The following DAG1 variants were observed in gnomAD, a reference collection of about 807,000 sequenced individuals.
The protein encoded by DAG1 is dystroglycan 1.
A neutral mutation model predicts 46.1 loss-of-function variants in DAG1; 8 were observed. The ratio of observed to expected loss-of-function variants is 0.17; its 90% CI spans 0.10 to 0.31. DAG1 has a LOEUF of 0.31. Among genes scored for constraint, DAG1 ranks in the 10% least tolerant of loss-of-function variants. The pLI, the probability that DAG1 is intolerant of heterozygous loss-of-function variation, is 1.00. For synonymous variants in DAG1, 495 were observed against 481.8 expected, an observed-to-expected ratio of 1.03 and a Z score of -0.36; for missense variants, 1,003 against 1,189.9, an observed-to-expected ratio of 0.84 and a Z score of 2.31.
chr3:49,526,241 C>T (rs2107834563), intron 2 of DAG1, among the ~76,000 whole-genome samples: 1 of 152,318 alleles, frequency 6.6e-6, no homozygotes, highest in Admixed American at 6.5e-5. Flanking sequence ...AGAAATCACC[C>T]CCATGATCCA....
chr3:49,521,250 G>A (rs1042488588), intron 2 of DAG1, among the ~76,000 whole-genome samples: 13 of 151,630 alleles, frequency 8.6e-5, no homozygotes, highest in South Asian at 4.2e-4. Context: ...TGCAAGCTCC[G>A]CCTCCTGGGT....
intron 2 of DAG1, among the ~76,000 whole-genome samples, chr3:49,530,138 G>C (rs2051299526): frequency 6.6e-6 from 1 of 152,148 alleles, no homozygotes; most frequent in Non-Finnish European, 1.5e-5. Context: ...GGGTACCACA[G>C]TTTGTCTTGA....
chr3:49,529,200 T>A (rs4855854), intron 2 of DAG1, among the ~76,000 whole-genome samples: 6 of 150,924 alleles, frequency 4.0e-5, no homozygotes, highest in Admixed American at 6.6e-5. Context: ...TTAAAAAAAA[T>A]TTTTTTTTTG....
intron 2 of DAG1, among the ~76,000 whole-genome samples, chr3:49,526,978 G>T (rs2051189356): frequency 6.6e-6 from 1 of 152,214 alleles, no homozygotes. Context: ...AGAATGGCCT[G>T]AGTTTGTTCT....
intron 1 of DAG1, chr3:49,471,052 T>C (rs1168263969): frequency 6.6e-6 from 1 of 152,278 alleles, no homozygotes; most frequent in Non-Finnish European, 1.5e-5. Flanking sequence ...AATTCTAAGT[T>C]AGTTTCCTAC....
At chr3:49,516,607 T>C (rs1422992010) in intron 2 of DAG1, among the ~76,000 whole-genome samples, 1 of 152,258 alleles carries the variant, frequency 6.6e-6, no homozygotes, top group East Asian at 1.9e-4. Flanking sequence ...TTGCTCATCT[T>C]AATTATTGTG....
intron 1 of DAG1, among the ~76,000 whole-genome samples, chr3:49,507,981 T>C (rs762545153): frequency 2.6e-5 from 4 of 152,124 alleles, no homozygotes; most frequent in Non-Finnish European, 5.9e-5. Context: ...ATTTTTCTTT[T>C]GATGTCTGCA....
rs776146096 is a variant in DAG1 at position 49,510,597 on chromosome 3, G to T, written c.63G>T (p.Leu21=). The change falls in exon 2 of 3, where the codon CTG becomes CTT. Residue 21 remains leucine, a synonymous_variant. Coordinates refer to ENST00000308775, the MANE Select transcript of DAG1 (RefSeq NM_004393.6). ...TCTCGGGGAGGACCTTTCTCCTCCT[G>T]CTCTCTGTGGTTATGGCTCAGTCCC... ...LPLSGRTFLL[L]LSVVMAQSHW... 1 of 1,614,042 alleles carries T rather than the reference G, an allele frequency of 6.2e-7. No homozygotes were observed. The highest frequency in any genetic ancestry group is 1.3e-5 in the African/African-American group (1 of 75,002).
rs73833017 is a variant in DAG1, at chr3:49,493,577, T to C, written c.-116-16842T>C. Among the ~76,000 whole-genome samples the C allele has an allele frequency of 1.2e-3, 184 of 152,266 alleles. 1 individual carries two copies. The highest frequency in any genetic ancestry group is 4.3e-3 in the African/African-American group (179 of 41,552). On this transcript the variant is annotated intron_variant, in intron 1 of 2. Coordinates refer to ENST00000308775, the MANE Select transcript of DAG1 (RefSeq NM_004393.6). ...AGCCTCTGAGGATCCCTTGAAGTTTTGAGGAGGAGGAAAGCGCTTGAGAGT... is the reference window on the plus strand; with the variant it reads ...AGCCTCTGAGGATCCCTTGAAGTTTCGAGGAGGAGGAAAGCGCTTGAGAGT...
chr3:49,509,285 A>G (rs1202918353), intron 1 of DAG1, among the ~76,000 whole-genome samples: 2 of 152,148 alleles, frequency 1.3e-5, no homozygotes, highest in Non-Finnish European at 2.9e-5. Flanking sequence ...ATTTTTAAAA[A>G]CTAGCTGAGT....
intron 1 of DAG1, among the ~76,000 whole-genome samples, chr3:49,497,897 G>T (rs778421617): frequency 6.6e-6 from 1 of 152,118 alleles, no homozygotes; most frequent in African/African-American, 2.4e-5. Flanking sequence ...GCACCTGGGT[G>T]GATTTATACC....
At chr3:49,488,488 T>C (rs1025166372) in intron 1 of DAG1, 1 of 152,192 alleles carries the variant, frequency 6.6e-6, no homozygotes, top group Non-Finnish European at 1.5e-5. Flanking sequence ...GAGCAAGATA[T>C]GCAAGATACT....
chr3:49,494,625 AATTATT>A (rs1203553930), intron 1 of DAG1, among the ~76,000 whole-genome samples: 1 of 151,708 alleles, frequency 6.6e-6, no homozygotes, highest in Non-Finnish European at 1.5e-5. Flanking sequence ...ATGCTTGGTG[AATTATT>A]ATTATTATTT....
At chr3:49,486,547 C>T (rs576345755) in intron 1 of DAG1, among the ~76,000 whole-genome samples, 1 of 148,026 alleles carries the variant, frequency 6.8e-6, no homozygotes, top group South Asian at 2.2e-4. Flanking sequence ...CAGAGTCTCA[C>T]TCTGGAGTGT....
intron 2 of DAG1, among the ~76,000 whole-genome samples, chr3:49,517,079 C>T (rs969243143): frequency 1.3e-5 from 2 of 150,260 alleles, no homozygotes; most frequent in Non-Finnish European, 2.9e-5. Context: ...CTGCAACCTC[C>T]GTCTCCCAGG....
intron 1 of DAG1, among the ~76,000 whole-genome samples, chr3:49,510,002 C>T (rs577197275): frequency 6.6e-6 from 1 of 152,332 alleles, no homozygotes; most frequent in South Asian, 2.1e-4. Context: ...ATGCCAGGAT[C>T]ATAGGCGTGA....
intron 1 of DAG1, among the ~76,000 whole-genome samples, chr3:49,485,236 A>G (rs1559550670): frequency 6.7e-6 from 1 of 150,132 alleles, no homozygotes; most frequent in Non-Finnish European, 1.5e-5. Flanking sequence ...CAGGCTCCCA[A>G]AGTGCTGGGA....
chr3:49,484,658 C>A (rs2049972390), intron 1 of DAG1, among the ~76,000 whole-genome samples: 1 of 152,102 alleles, frequency 6.6e-6, no homozygotes. Context: ...TATGGGCTTC[C>A]AGGAAGAATG....
intron 1 of DAG1, among the ~76,000 whole-genome samples, chr3:49,497,976 CTT>C (rs1168904075): frequency 6.6e-6 from 1 of 152,146 alleles, no homozygotes; most frequent in African/African-American, 2.4e-5. Flanking sequence ...AGCCACTGCC[CTT>C]TGTTTATCTG....
Sources: gnomAD v4.1 joint callset for allele counts (sites outside exome capture counted in the v4.1 genomes callset) on GRCh38, gnomAD v4.1.1 for gene constraint, MANE v1.5 for transcripts, NCBI Gene and HGNC (gene_info 2026-07-23, HGNC 2026-07-21) for gene names.